NLGN4X: variants seen among roughly 807,000 people sequenced by gnomAD.
The protein encoded by NLGN4X is neuroligin-4, X-linked.
In NLGN4X, 3 loss-of-function variants were observed where a neutral mutation model predicts 40.3. That is an observed-to-expected ratio of 0.07 (90% CI 0.03 to 0.19). The LOEUF (loss-of-function observed/expected upper bound fraction) is 0.19, where lower values mean the gene tolerates loss of function less well. Ranked by LOEUF, NLGN4X falls within the 10% of genes least tolerant of loss-of-function variation. NLGN4X has a pLI of 1.00. For synonymous variants in NLGN4X, 270 were observed against 306.8 expected, an observed-to-expected ratio of 0.88 and a Z score of 1.25; for missense variants, 382 against 708.3, an observed-to-expected ratio of 0.54 and a Z score of 5.23.
chrX:5,929,602 C>T (rs113925621), intron 3 of NLGN4X, among the ~76,000 whole-genome samples: 1 of 112,364 alleles, frequency 8.9e-6, no homozygotes. Context: ...ACATATTTCA[C>T]ACTTATTACT....
At chrX:5,944,650 CAAAAAAAAAAA>C (rs750871231) in intron 3 of NLGN4X, among the ~76,000 whole-genome samples, 4 of 25,576 alleles carry the variant, frequency 1.6e-4, no homozygotes, top group Non-Finnish European at 3.0e-4. Flanking sequence ...GACTCTGTCT[CAAAAAAAAAAA>C]AAAAAAAAAA....
chrX:6,137,441 C>T (rs1201867416), intron 2 of NLGN4X, among the ~76,000 whole-genome samples: 4 of 111,824 alleles, frequency 3.6e-5, no homozygotes, highest in African/African-American at 1.3e-4. Flanking sequence ...TTTTGAGAGA[C>T]ACAATTCAAC....
intron 3 of NLGN4X, among the ~76,000 whole-genome samples, chrX:6,004,537 T>C (rs1371189267): frequency 1.8e-5 from 2 of 111,934 alleles, no homozygotes; most frequent in Admixed American, 9.5e-5. Flanking sequence ...GTACAAGTTA[T>C]AGAGAGGAAA....
At chrX:6,088,238 T>C (rs1331397776) in intron 2 of NLGN4X, among the ~76,000 whole-genome samples, 4 of 112,659 alleles carry the variant, frequency 3.6e-5, no homozygotes, top group African/African-American at 6.4e-5. Context: ...TTTTAAACAA[T>C]AGCAGGAAAT....
intron 1 of NLGN4X, among the ~76,000 whole-genome samples, chrX:6,215,955 C>A: frequency 9.2e-6 from 1 of 108,389 alleles, no homozygotes; most frequent in South Asian, 4.1e-4. Context: ...CAGCTTACTG[C>A]AACCTCCGAC....
chrX:6,203,350 C>G (rs1390290368), intron 1 of NLGN4X, among the ~76,000 whole-genome samples: 1 of 112,343 alleles, frequency 8.9e-6, no homozygotes, highest in Non-Finnish European at 1.9e-5. Flanking sequence ...TTTGGAAGAG[C>G]TTCTGGTGAT....
chrX:6,033,487 T>C (rs970686707), intron 2 of NLGN4X, among the ~76,000 whole-genome samples: 2 of 112,290 alleles, frequency 1.8e-5, no homozygotes, highest in Non-Finnish European at 3.8e-5. Context: ...CCTATGTGTT[T>C]AAAATAGTTA....
At chrX:5,989,075 TAAAA>T (rs202163877) in intron 3 of NLGN4X, among the ~76,000 whole-genome samples, 1 of 89,590 alleles carries the variant, frequency 1.1e-5, no homozygotes, top group Non-Finnish European at 2.3e-5. Context: ...CTCAAAAAAA[TAAAA>T]AAAATAAAAA....
chrX:6,107,927 T>C (rs1369627562), intron 2 of NLGN4X, among the ~76,000 whole-genome samples: 2 of 112,412 alleles, frequency 1.8e-5, no homozygotes, highest in African/African-American at 6.5e-5. Flanking sequence ...GTAGATGTAC[T>C]ACATTTTCTT....
chrX:6,155,034 G>T (rs1412662766), intron 1 of NLGN4X, among the ~76,000 whole-genome samples: 1 of 111,789 alleles, frequency 8.9e-6, no homozygotes, highest in Non-Finnish European at 1.9e-5. Context: ...CAGGCATTTT[G>T]GTATCTGGAC....
chrX:6,162,596 G>A (rs182069697), intron 1 of NLGN4X, among the ~76,000 whole-genome samples: 187 of 111,626 alleles, frequency 1.7e-3, no homozygotes, highest in African/African-American at 5.6e-3. Context: ...TTGCTCCTCA[G>A]CTTGCAGATG....
chrX:6,146,790 G>A (rs1449723087), intron 2 of NLGN4X, among the ~76,000 whole-genome samples: 1 of 110,336 alleles, frequency 9.1e-6, no homozygotes, highest in African/African-American at 3.3e-5. Context: ...AATGAGTGGT[G>A]CTTTGTTTTG....
chrX:6,125,836 A>C lies in NLGN4X; in HGVS notation c.472+25159T>G, dbSNP rs1250389846. On this transcript the variant is annotated intron_variant, in intron 2 of 5. Coordinates refer to ENST00000381095, the MANE Select transcript of NLGN4X (RefSeq NM_181332.3). ...TTTAACATTCATATCAAAAGTATAG[A>C]GTGTATAACATCAGAAAATTATAAA... is the stretch of plus-strand genomic sequence containing the variant. Among the ~76,000 whole-genome samples the C allele has an allele frequency of 2.7e-5, 3 of 111,680 alleles. No individual in the cohort carries two copies. The East Asian group carries it at 8.3e-4, about 31-fold the overall frequency.
At chrX:5,935,210 G>A (rs5961384) in intron 3 of NLGN4X, among the ~76,000 whole-genome samples, 5,174 of 111,872 alleles carry the variant, frequency 0.046, 303 homozygotes, top group African/African-American at 0.16. Flanking sequence ...TATTTAATTT[G>A]CTACATGAAA....
At chrX:6,067,943 A>G (rs1051132885) in intron 2 of NLGN4X, among the ~76,000 whole-genome samples, 1 of 111,157 alleles carries the variant, frequency 9.0e-6, no homozygotes, top group Admixed American at 9.6e-5. Flanking sequence ...CAAATCCCCA[A>G]ATAATGGATG....
At position 6,193,775 on chromosome X, in the gene NLGN4X, T is replaced by C. The variant is rs182105399; in HGVS notation, c.-306+34766A>G. ...AATGAAGACTCCTTGAGGTTTCCAA[T>C]GGGCAACTCATAATCTGGTTGGCAT... On this transcript the variant is annotated intron_variant, in intron 1 of 5. Transcript: ENST00000381095. 2.4e-4 allele frequency among the ~76,000 whole-genome samples: 27 copies of C among 112,039 alleles called. 1 individual carries two copies. In the Admixed American group the frequency reaches 2.5e-3, roughly 10 times the overall value.
At chrX:5,966,070 T>C (rs1390741493) in intron 3 of NLGN4X, among the ~76,000 whole-genome samples, 5 of 112,170 alleles carry the variant, frequency 4.5e-5, no homozygotes, top group East Asian at 5.6e-4. Context: ...GCAAATGGTA[T>C]TGATCATTGA....
At chrX:5,930,102 C>T (rs1473828007) in intron 3 of NLGN4X, among the ~76,000 whole-genome samples, 1 of 111,497 alleles carries the variant, frequency 9.0e-6, no homozygotes, top group African/African-American at 3.3e-5. Context: ...GAGAACTTTC[C>T]TGCTTCTTCT....
intron 1 of NLGN4X, among the ~76,000 whole-genome samples, chrX:6,218,071 G>A (rs899412970): frequency 1.8e-5 from 2 of 111,528 alleles, no homozygotes; most frequent in Non-Finnish European, 3.8e-5. Context: ...TCTTCCCACA[G>A]CATACAGTTG....
Sources: allele counts gnomAD v4.1 joint callset (sites outside exome capture counted in the v4.1 genomes callset), GRCh38; gene constraint gnomAD v4.1.1; transcripts MANE v1.5; gene names NCBI Gene and HGNC (gene_info 2026-07-23, HGNC 2026-07-21).